The following UVRAG variants were observed in gnomAD, a reference collection of about 807,000 sequenced individuals.
UVRAG encodes UV radiation resistance associated, also known as UV radiation resistance-associated gene protein.
In UVRAG, 19 loss-of-function variants were observed where a neutral mutation model predicts 78.0. The ratio of observed to expected loss-of-function variants is 0.24; its 90% CI spans 0.17 to 0.36. UVRAG has a LOEUF of 0.36. UVRAG is among the 10% of genes least tolerant of loss of function. UVRAG has a pLI of 1.00. For missense variants in UVRAG, 740 were observed against 853.8 expected (o/e 0.87, Z 1.66); for synonymous variants, 323 against 324.6 (o/e 1.00, Z 0.05).
intron 7 of UVRAG, among the ~76,000 whole-genome samples, chr11:75,966,693 A>G (rs1183717652): frequency 1.3e-5 from 2 of 152,182 alleles, no homozygotes; most frequent in Admixed American, 6.5e-5. Context: ...GACATTGTGA[A>G]TGTAATTTGG....
chr11:75,840,079 A>G (rs930846775), intron 1 of UVRAG, among the ~76,000 whole-genome samples: 11 of 152,010 alleles, frequency 7.2e-5, no homozygotes, highest in Admixed American at 3.3e-4. Context: ...TCTGTCTTCA[A>G]TTTTTATCTT....
intron 14 of UVRAG, 84 bp from the exon 15 acceptor site, chr11:76,140,627 A>G (rs1952699816): frequency 9.9e-6 from 13 of 1,315,936 alleles, no homozygotes; most frequent in South Asian, 1.5e-5. Flanking sequence ...AGACCTAAGT[A>G]TGCTGTTCCC....
At chr11:75,889,961 C>T (rs1590980945) in intron 5 of UVRAG, among the ~76,000 whole-genome samples, 1 of 152,014 alleles carries the variant, frequency 6.6e-6, no homozygotes, top group Admixed American at 6.6e-5. Flanking sequence ...TAGAAGTGAA[C>T]TGTGTAAAGG....
chr11:75,825,905 C>T (rs542124133), intron 1 of UVRAG, among the ~76,000 whole-genome samples: 75 of 150,708 alleles, frequency 5.0e-4, no homozygotes, highest in Admixed American at 1.5e-3. Flanking sequence ...GGTGTGATCT[C>T]GGCTCACTGC....
intron 4 of UVRAG, among the ~76,000 whole-genome samples, chr11:75,887,960 C>T (rs1211920546): frequency 1.3e-5 from 2 of 152,174 alleles, no homozygotes; most frequent in African/African-American, 2.4e-5. Flanking sequence ...CAGCTCACCT[C>T]ATCTGAAATA....
intron 6 of UVRAG, among the ~76,000 whole-genome samples, chr11:75,937,938 C>T (rs1948406051): frequency 6.6e-6 from 1 of 151,998 alleles, no homozygotes; most frequent in Non-Finnish European, 1.5e-5. Flanking sequence ...TTGTTTTAGT[C>T]TTCCTCTGTT....
At chr11:75,890,975 A>C (rs1947201894) in intron 5 of UVRAG, among the ~76,000 whole-genome samples, 2 of 152,040 alleles carry the variant, frequency 1.3e-5, no homozygotes, top group Non-Finnish European at 2.9e-5. Context: ...TGTTTTTTTA[A>C]GAGGAGAGAG....
In UVRAG at chr11:75,828,805, A is replaced by ATTTTTT. The variant is rs1251955061; in HGVS notation, c.117+13289_117+13294dup. Among the ~76,000 whole-genome samples, 47 of 100,254 alleles carry ATTTTTT rather than the reference A, an allele frequency of 4.7e-4. 1 individual carries two copies. Among genetic ancestry groups the ATTTTTT allele is most frequent in the Non-Finnish European group, 6.0e-4 (32 of 53,764 alleles). 65.8% of individuals were successfully genotyped at this position (100,254 alleles called of 152,430 possible). ...CATATATATATATATATATATATAT[A>ATTTTTT]TTTTTTTTTTTTTGTAGAGACAGGG... is the stretch of plus-strand genomic sequence containing the variant. On this transcript the variant is annotated intron_variant, in intron 1 of 14. Transcript: ENST00000356136.
chr11:75,900,534 C>T (rs1241959145), intron 5 of UVRAG, among the ~76,000 whole-genome samples: 1 of 152,214 alleles, frequency 6.6e-6, no homozygotes, highest in African/African-American at 2.4e-5. Context: ...CCTTACTCAG[C>T]TTTAAAGTCT....
At chr11:75,869,929 G>A (rs1478339686) in intron 3 of UVRAG, among the ~76,000 whole-genome samples, 1 of 152,176 alleles carries the variant, frequency 6.6e-6, no homozygotes, top group African/African-American at 2.4e-5. Flanking sequence ...TCTTGTGGGT[G>A]TGTGGTAGAC....
chr11:75,847,450 C>G (rs1299987798), intron 1 of UVRAG, among the ~76,000 whole-genome samples: 3 of 151,390 alleles, frequency 2.0e-5, no homozygotes, highest in African/African-American at 7.3e-5. Context: ...TTTATTTTTT[C>G]TAGAGATAGG....
intron 6 of UVRAG, chr11:75,934,978 G>A (rs73493938): frequency 0.088 from 13,414 of 152,228 alleles, 1,011 homozygotes; most frequent in African/African-American, 0.21. Flanking sequence ...TCTGATCTCA[G>A]AGGCTAAGCA....
In UVRAG at chr11:75,830,973, A is replaced by C. The variant is rs1313373319; in HGVS notation, c.117+15449A>C. On this transcript the variant is annotated intron_variant, in intron 1 of 14. Transcript: ENST00000356136. ...AAGTTAGGCAACCTAGAAGTTATTT[A>C]ATCTCTGTGTGCCTCAGGGAGACTC... Among the ~76,000 whole-genome samples the C allele has an allele frequency of 3.9e-5, 6 of 152,216 alleles. No homozygotes were observed. The East Asian group carries it at 1.2e-3, about 29-fold the overall frequency.
chr11:75,956,905 C>G (rs1948810079), intron 6 of UVRAG, among the ~76,000 whole-genome samples: 2 of 151,734 alleles, frequency 1.3e-5, no homozygotes. Context: ...TCATTTCATT[C>G]TGTTGTCCAT....
In UVRAG at chr11:75,941,017, G is replaced by A. The variant is rs539697187; in HGVS notation, c.594-20427G>A. On this transcript the variant is annotated intron_variant, in intron 6 of 14. Transcript: ENST00000356136. ...ACTAAATTATCTGTCATTCTGAACT[G>A]TTTGTTACCATTCTGCAAAAAAAAA... Among the ~76,000 whole-genome samples, 415 of 151,900 alleles carry A rather than the reference G, an allele frequency of 2.7e-3. 1 individual carries two copies. The highest frequency in any genetic ancestry group is 6.8e-3 in the Middle Eastern group (2 of 294).
At chr11:76,100,534 A>G (rs917298589) in intron 13 of UVRAG, among the ~76,000 whole-genome samples, 5 of 152,146 alleles carry the variant, frequency 3.3e-5, no homozygotes, top group Non-Finnish European at 4.4e-5. Context: ...TAAAAGGTAG[A>G]TATAATCTTT....
intron 12 of UVRAG, among the ~76,000 whole-genome samples, chr11:76,047,508 A>C (rs73001509): frequency 6.6e-6 from 1 of 152,042 alleles, no homozygotes; most frequent in African/African-American, 2.4e-5. Context: ...TTCTCTCCCC[A>C]CTGGCACCCT....
intron 6 of UVRAG, among the ~76,000 whole-genome samples, chr11:75,921,598 C>G (rs1741272641): frequency 6.6e-6 from 1 of 151,964 alleles, no homozygotes; most frequent in South Asian, 2.1e-4. Context: ...AGAGGACTCT[C>G]CTATACCTTG....
At chr11:76,132,662 C>T (rs1591271118) in intron 14 of UVRAG, among the ~76,000 whole-genome samples, 1 of 152,162 alleles carries the variant, frequency 6.6e-6, no homozygotes, top group Non-Finnish European at 1.5e-5. Flanking sequence ...TAAGTTTCCA[C>T]ATTTACATCA....
Sources: allele counts gnomAD v4.1 joint callset (sites outside exome capture counted in the v4.1 genomes callset), GRCh38; gene constraint gnomAD v4.1.1; transcripts MANE v1.5; gene names NCBI Gene and HGNC (gene_info 2026-07-23, HGNC 2026-07-21).